Variants in PLEKHA8 observed in about 807,000 individuals in gnomAD.
The protein encoded by PLEKHA8 is pleckstrin homology domain-containing family A member 8.
Under a neutral mutation model 68.2 loss-of-function variants are expected in PLEKHA8, and 36 were observed. That is an observed-to-expected ratio of 0.53 (90% CI 0.40 to 0.70). The LOEUF (loss-of-function observed/expected upper bound fraction) is 0.70, where lower values mean the gene tolerates loss of function less well. Among genes scored for constraint, PLEKHA8 ranks in the 30% least tolerant of loss-of-function variants. The pLI, the probability that PLEKHA8 is intolerant of heterozygous loss-of-function variation, is 0.00. For synonymous variants in PLEKHA8, 211 were observed against 216.1 expected (o/e 0.98, Z 0.20); for missense variants, 505 against 615.4 (o/e 0.82, Z 1.90).
intron 13 of PLEKHA8, among the ~76,000 whole-genome samples, chr7:30,120,075 C>T (rs1042598639): frequency 1.3e-5 from 2 of 150,886 alleles, no homozygotes; most frequent in African/African-American, 4.9e-5. Flanking sequence ...AAGCTAAGAA[C>T]TTGGTCATTA....
chr7:30,123,143 A>G (rs1031347948), intron 13 of PLEKHA8, among the ~76,000 whole-genome samples: 21 of 152,344 alleles, frequency 1.4e-4, no homozygotes, highest in African/African-American at 4.8e-4. Flanking sequence ...GAACAGAAGA[A>G]TGAACCTGGA....
At chr7:30,058,471 CTTT>C (rs79972069) in intron 9 of PLEKHA8, among the ~76,000 whole-genome samples, 5,680 of 125,242 alleles carry the variant, frequency 0.045, 136 homozygotes, top group Middle Eastern at 0.092. Flanking sequence ...AGTTGAGGTT[CTTT>C]TTTTTTTTTT....
chr7:30,103,599 C>T (rs533937693), intron 13 of PLEKHA8, among the ~76,000 whole-genome samples: 17 of 152,302 alleles, frequency 1.1e-4, no homozygotes, highest in African/African-American at 4.1e-4. Context: ...CGAGAAAGTT[C>T]AGAAATCAGG....
chr7:30,128,771 C>T (rs372730067), intron 13 of PLEKHA8, among the ~76,000 whole-genome samples: 2 of 152,164 alleles, frequency 1.3e-5, no homozygotes, highest in East Asian at 3.9e-4. Flanking sequence ...GTACAAGAAG[C>T]ATGGCACCAA....
intron 3 of PLEKHA8, among the ~76,000 whole-genome samples, chr7:30,047,102 A>G (rs1226859202): frequency 1.3e-5 from 2 of 152,224 alleles, no homozygotes; most frequent in African/African-American, 4.8e-5. Flanking sequence ...CAGGTGTGGC[A>G]GTTGTGCTTA....
chr7:30,056,474 A>G (rs1230189294), intron 9 of PLEKHA8, among the ~76,000 whole-genome samples: 1 of 147,804 alleles, frequency 6.8e-6, no homozygotes, highest in Non-Finnish European at 1.5e-5. Context: ...CACGCCTGTA[A>G]TCCCAGCACT....
At chr7:30,078,014 A>G (rs1252664090) in intron 13 of PLEKHA8, among the ~76,000 whole-genome samples, 2 of 152,202 alleles carry the variant, frequency 1.3e-5, no homozygotes. Flanking sequence ...CAGGGTTCTT[A>G]TAAAGATCAG....
chr7:30,039,018 G>A (rs1049086341), intron 1 of PLEKHA8, among the ~76,000 whole-genome samples: 1 of 151,794 alleles, frequency 6.6e-6, no homozygotes, highest in East Asian at 1.9e-4. Context: ...AAAACGTGTT[G>A]TTCAACATTA....
At position 30,083,057 on chromosome 7, in the gene PLEKHA8, A is replaced by G; in HGVS notation, c.*4270A>G. The G allele has an allele frequency of 1.0e-6, 1 of 980,980 alleles. No individual in the cohort carries two copies. Among genetic ancestry groups the G allele is most frequent in the Non-Finnish European group, 1.2e-6 (1 of 826,020 alleles). 60.8% of individuals were successfully genotyped at this position (980,980 alleles called of 1,614,324 possible). A position where few individuals can be genotyped will look rare whatever the true frequency, so the allele number is the denominator to read the frequency against. ...TTAAGATAATCTATCAACCTTTTTT[A>G]AATTTTAAAATTTTTAGATGTAGAG... On this transcript the variant is annotated 3_prime_UTR_variant, in exon 14 of 14. Transcript: ENST00000449726.
chr7:30,055,360 G>T lies in PLEKHA8; in HGVS notation c.1039+18G>T. ...AGTATTAGGTAAGATTCCTGCAGTT[G>T]CCTTACATTCATTCATGTCTAGAAT... On this transcript the variant is annotated intron_variant, in intron 9 of 13. Transcript: ENST00000449726. 6.2e-7 allele frequency: 1 copy of T among 1,604,602 alleles called. No individual in the cohort carries two copies. The highest frequency in any genetic ancestry group is 8.5e-7 in the Non-Finnish European group (1 of 1,171,330).
In PLEKHA8 at chr7:30,082,080, C is replaced by T. The variant is rs1794959136; in HGVS notation, c.*3293C>T. On this transcript the variant is annotated 3_prime_UTR_variant, in exon 14 of 14. Transcript: ENST00000449726. ...GGGAGTTCCAGAAGAGGAGCTCTCACAGAATGTTGAGCCTGTGGGCCCAAG... is the reference window on the plus strand; with the variant it reads ...GGGAGTTCCAGAAGAGGAGCTCTCATAGAATGTTGAGCCTGTGGGCCCAAG... 1.0e-6 allele frequency: 1 copy of T among 984,698 alleles called. No homozygotes were observed. The highest frequency in any genetic ancestry group is 1.7e-5 in the African/African-American group (1 of 57,214). 61.0% of individuals were successfully genotyped at this position (984,698 alleles called of 1,614,324 possible). A position where few individuals can be genotyped will look rare whatever the true frequency, so the allele number is the denominator to read the frequency against.
rs1006104630 is a variant in PLEKHA8 at position 30,079,432 on chromosome 7, G to T, written c.*645G>T. The T allele has an allele frequency of 2.0e-6, 2 of 985,424 alleles. No homozygotes were observed. Among genetic ancestry groups the T allele is most frequent in the Non-Finnish European group, 2.4e-6 (2 of 830,054 alleles). 61.0% of individuals were successfully genotyped at this position (985,424 alleles called of 1,614,324 possible). A position where few individuals can be genotyped will look rare whatever the true frequency, so the allele number is the denominator to read the frequency against. On this transcript the variant is annotated 3_prime_UTR_variant, in exon 14 of 14. Transcript: ENST00000449726. ...CCGTTGCTCTGAGAAGATTAATGGT[G>T]TGCCCTAGCCCCAAGTTGGAGGGGA...
At chr7:30,036,232 C>G (rs375490128) in intron 1 of PLEKHA8, among the ~76,000 whole-genome samples, 181 of 152,014 alleles carry the variant, frequency 1.2e-3, no homozygotes, top group African/African-American at 4.2e-3. Flanking sequence ...CAAGATCACA[C>G]CTGTGTTCCA....
At chr7:30,118,722 C>T (rs1367832376) in intron 13 of PLEKHA8, among the ~76,000 whole-genome samples, 9 of 152,120 alleles carry the variant, frequency 5.9e-5, no homozygotes, top group Non-Finnish European at 1.2e-4. Context: ...GGACTACAGG[C>T]GCCCGCCGCC....
At position 30,117,512 on chromosome 7, in the gene PLEKHA8, C is replaced by T. The variant is rs1301899520; in HGVS notation, c.1363-11754C>T. Among the ~76,000 whole-genome samples, 3 of 152,062 alleles carry T rather than the reference C, an allele frequency of 2.0e-5. No homozygotes were observed. The East Asian group carries it at 5.8e-4, about 29-fold the overall frequency. ...TTTAGCTCAGGAATTTGAGACCAGCCTGGGCAACATAGTGAGACCTTATCT... is the reference window on the plus strand; with the variant it reads ...TTTAGCTCAGGAATTTGAGACCAGCTTGGGCAACATAGTGAGACCTTATCT... On this transcript the variant is annotated intron_variant, in intron 13 of 13. Coordinates refer to the PLEKHA8 transcript ENST00000396257.
In PLEKHA8 at chr7:30,081,002, TGGAGAGGTAGCA is replaced by T. The variant is rs1280159337; in HGVS notation, c.*2216_*2227del. ...ACCTCAGGTGAACTCTGTGGTCTCT[TGGAGAGGTAGCA>T]CTCTGAAAATACCTCAGGTTTGCCA... On this transcript the variant is annotated 3_prime_UTR_variant, in exon 14 of 14. Coordinates refer to ENST00000449726, the MANE Select transcript of PLEKHA8 (RefSeq NM_001197026.2). 1.0e-6 allele frequency: 1 copy of T among 985,238 alleles called. No homozygotes were observed. Among genetic ancestry groups the T allele is most frequent in the East Asian group, 1.1e-4 (1 of 8,822 alleles). The allele number at this position is 985,238 out of a possible 1,614,324, so 61.0% of individuals were successfully genotyped here.
At chr7:30,110,360 A>T (rs1325470118) in intron 13 of PLEKHA8, among the ~76,000 whole-genome samples, 2 of 152,204 alleles carry the variant, frequency 1.3e-5, no homozygotes, top group South Asian at 4.1e-4. Context: ...TCGTTCCTTT[A>T]TATTGCTGAA....
intron 6 of PLEKHA8, chr7:30,050,687 T>TA: frequency 2.0e-6 from 1 of 505,820 alleles, no homozygotes; most frequent in South Asian, 3.5e-5. Flanking sequence ...GATGTTGGCA[T>TA]TTTCCCTAAG....
At chr7:30,120,228 A>C (rs559802731) in intron 13 of PLEKHA8, among the ~76,000 whole-genome samples, 1 of 152,312 alleles carries the variant, frequency 6.6e-6, no homozygotes, top group Admixed American at 6.5e-5. Flanking sequence ...ACTTTAGACA[A>C]ATTAAATTTA....
Sources: gnomAD v4.1 joint callset for allele counts (sites outside exome capture counted in the v4.1 genomes callset) on GRCh38, gnomAD v4.1.1 for gene constraint, MANE v1.5 for transcripts, NCBI Gene and HGNC (gene_info 2026-07-23, HGNC 2026-07-21) for gene names.